The following SCAI variants were observed in gnomAD, a reference collection of about 807,000 sequenced individuals.
SCAI encodes suppressor of cancer cell invasion, also known as protein SCAI.
A neutral mutation model predicts 92.2 loss-of-function variants in SCAI; 24 were observed. The ratio of observed to expected loss-of-function variants is 0.26; its 90% CI spans 0.19 to 0.37. The LOEUF is 0.37. Among genes scored for constraint, SCAI ranks in the 10% least tolerant of loss-of-function variants. The pLI, the probability that SCAI is intolerant of heterozygous loss-of-function variation, is 1.00. For synonymous variants in SCAI, 261 were observed against 258.6 expected, an observed-to-expected ratio of 1.01 and a Z score of -0.09; for missense variants, 450 against 736.2, an observed-to-expected ratio of 0.61 and a Z score of 4.50.
At chr9:124,975,552 G>A (rs1831737771) in intron 15 of SCAI, among the ~76,000 whole-genome samples, 1 of 152,188 alleles carries the variant, frequency 6.6e-6, no homozygotes, top group African/African-American at 2.4e-5. Flanking sequence ...TTGATTCTCA[G>A]CCATTGAAGA....
At chr9:125,131,869 T>C (rs777872745) in intron 2 of SCAI, among the ~76,000 whole-genome samples, 2 of 152,210 alleles carry the variant, frequency 1.3e-5, no homozygotes, top group Non-Finnish European at 2.9e-5. Context: ...AGAAACTACC[T>C]TCAGAACCTG....
chr9:124,984,489 G>A (rs1233897711), intron 14 of SCAI, among the ~76,000 whole-genome samples: 1 of 152,192 alleles, frequency 6.6e-6, no homozygotes, highest in Non-Finnish European at 1.5e-5. Context: ...GTATGAGCCA[G>A]GATGAGGCAG....
chr9:125,002,062 A>T lies in SCAI; in HGVS notation c.1066-19T>A. ...GCAGCTCCTGAAATGAAAGAAAATCACATACACAAAACAACAAACAAGGAT... is the reference window on the plus strand; with the variant it reads ...GCAGCTCCTGAAATGAAAGAAAATCTCATACACAAAACAACAAACAAGGAT... On this transcript the variant is annotated intron_variant, in intron 11 of 17. Coordinates refer to ENST00000336505, the MANE Select transcript of SCAI (RefSeq NM_001144877.3). 6.5e-7 allele frequency: 1 copy of T among 1,544,078 alleles called. No homozygotes were observed. The highest frequency in any genetic ancestry group is 9.0e-7 in the Non-Finnish European group (1 of 1,115,668).
At chr9:125,116,527 ATTTAT>A (rs1245212080) in intron 2 of SCAI, among the ~76,000 whole-genome samples, 1 of 152,154 alleles carries the variant, frequency 6.6e-6, no homozygotes, top group Non-Finnish European at 1.5e-5. Context: ...CAGTCACTGA[ATTTAT>A]TTTAAGATGT....
At chr9:125,050,724 C>A (rs1053461396) in intron 3 of SCAI, among the ~76,000 whole-genome samples, 2 of 152,018 alleles carry the variant, frequency 1.3e-5, no homozygotes, top group African/African-American at 4.8e-5. Context: ...AGGCACACAC[C>A]ACCACACCCA....
chr9:125,089,147 T>C (rs755297683), intron 2 of SCAI, among the ~76,000 whole-genome samples: 39 of 152,224 alleles, frequency 2.6e-4, no homozygotes, highest in Non-Finnish European at 5.1e-4. Context: ...ATTTTCAGCA[T>C]TGTATCTTTT....
chr9:125,020,701 T>A lies in SCAI; in HGVS notation c.581A>T (p.Lys194Ile). The change falls in exon 7 of 18, where the codon AAA becomes ATA. Residue 194 changes from lysine to isoleucine, a missense_variant. Physicochemically the swap from Lys to Ile is moderately radical, Grantham distance 102 (BLOSUM62 -3). Transcript: ENST00000336505. ...TACCAGATCCTTTACAACATCCATT[T>A]TGTTGAGAAGAAGACAAACTACTAT... ...RFIVVCLLLN[K>I]MDVVKDLVKE... 1 of 1,510,352 alleles carries A rather than the reference T, an allele frequency of 6.6e-7. No homozygotes were observed. Among genetic ancestry groups the A allele is most frequent in the Non-Finnish European group, 9.1e-7 (1 of 1,102,496 alleles). 93.6% of individuals were successfully genotyped at this position (1,510,352 alleles called of 1,614,324 possible).
chr9:125,037,154 A>G (rs536649257), intron 3 of SCAI, among the ~76,000 whole-genome samples: 35 of 152,246 alleles, frequency 2.3e-4, no homozygotes, highest in Non-Finnish European at 3.5e-4. Context: ...CCATAATCCC[A>G]GCTACTTGGG....
At chr9:125,087,505 G>A (rs754901301) in intron 2 of SCAI, among the ~76,000 whole-genome samples, 12 of 152,118 alleles carry the variant, frequency 7.9e-5, no homozygotes, top group Non-Finnish European at 1.8e-4. Context: ...GAAAATACTG[G>A]GGAAGATGAA....
intron 3 of SCAI, among the ~76,000 whole-genome samples, chr9:125,038,896 A>G (rs1833256627): frequency 6.6e-6 from 1 of 152,150 alleles, no homozygotes; most frequent in Admixed American, 6.6e-5. Flanking sequence ...ATTTAACCTT[A>G]GCCTGTTATC....
At chr9:125,078,766 G>A (rs547775069) in intron 2 of SCAI, among the ~76,000 whole-genome samples, 11 of 152,208 alleles carry the variant, frequency 7.2e-5, no homozygotes, top group Non-Finnish European at 1.3e-4. Flanking sequence ...TAAAAATTAG[G>A]TGGATGTGGT....
At chr9:125,125,576 G>A (rs1054285969) in intron 2 of SCAI, among the ~76,000 whole-genome samples, 1 of 150,896 alleles carries the variant, frequency 6.6e-6, no homozygotes, top group Non-Finnish European at 1.5e-5. Flanking sequence ...TTAATCAAAA[G>A]ATATCTGCTT....
chr9:125,021,650 TAA>T (rs1214118897), intron 6 of SCAI, among the ~76,000 whole-genome samples: 1 of 152,204 alleles, frequency 6.6e-6, no homozygotes, highest in Non-Finnish European at 1.5e-5. Context: ...ACATCACAAA[TAA>T]TAGCCTTACA....
At chr9:125,020,224 T>A (rs1363050847) in intron 7 of SCAI, among the ~76,000 whole-genome samples, 1 of 152,172 alleles carries the variant, frequency 6.6e-6, no homozygotes, top group Non-Finnish European at 1.5e-5. Flanking sequence ...ATTAAGTGGG[T>A]CTGAAGACAG....
At chr9:125,042,580 A>C (rs1270124711) in intron 3 of SCAI, among the ~76,000 whole-genome samples, 1 of 146,014 alleles carries the variant, frequency 6.8e-6, no homozygotes, top group Non-Finnish European at 1.5e-5. Context: ...CTCTTTCCTT[A>C]GTCCAGTCCC....
chr9:125,086,116 T>C lies in SCAI; in HGVS notation c.99-30109A>G, dbSNP rs79367635. On this transcript the variant is annotated intron_variant, in intron 2 of 17. Coordinates refer to ENST00000336505, the MANE Select transcript of SCAI (RefSeq NM_001144877.3). The stretch of plus-strand genomic sequence containing the variant: ...TTTTTTTCTGAACTCTTAAAATACT[T>C]TGCTTATATAGTTCAATTGCCGTAT... Among the ~76,000 whole-genome samples, 1,225 of 152,344 alleles carry C rather than the reference T, an allele frequency of 8.0e-3. 21 individuals carry two copies. The highest frequency in any genetic ancestry group is 0.028 in the African/African-American group (1,147 of 41,572).
At chr9:125,072,499 T>G (rs1833997790) in intron 2 of SCAI, among the ~76,000 whole-genome samples, 1 of 152,082 alleles carries the variant, frequency 6.6e-6, no homozygotes, top group African/African-American at 2.4e-5. Context: ...TTTTAAAAAT[T>G]TATTCCTATG....
intron 2 of SCAI, among the ~76,000 whole-genome samples, chr9:125,136,456 CTTTTTTTTTTT>C (rs1167871254): frequency 2.1e-5 from 2 of 95,216 alleles, no homozygotes; most frequent in Admixed American, 1.4e-4. Flanking sequence ...TAATACCTTT[CTTTTTTTTTTT>C]TTTTTTTTTT....
In SCAI at chr9:124,977,372, T is replaced by C. The variant is rs1012643719; in HGVS notation, c.1327-1186A>G. 6.6e-5 allele frequency among the ~76,000 whole-genome samples: 10 copies of C among 150,392 alleles called. No homozygotes were observed. In the Admixed American group the frequency reaches 6.7e-4, roughly 10 times the overall value. On this transcript the variant is annotated intron_variant, in intron 14 of 17. Transcript: ENST00000336505. ...GAGGGGGAACTAGACTCATCAGATA[T>C]TGAAACATACTTTACACCTCAGTGA... is the stretch of plus-strand genomic sequence containing the variant.
Sources: gnomAD v4.1 joint callset for allele counts (sites outside exome capture counted in the v4.1 genomes callset) on GRCh38, gnomAD v4.1.1 for gene constraint, MANE v1.5 for transcripts, NCBI Gene and HGNC (gene_info 2026-07-23, HGNC 2026-07-21) for gene names.